TLN2: variants seen among roughly 807,000 people sequenced by gnomAD.
TLN2 encodes talin 2.
TLN2 carries 118 observed loss-of-function variants against 294.7 expected under a neutral mutation model. The observed-to-expected ratio is 0.40, with a 90% CI of 0.34 to 0.47. TLN2 has a LOEUF of 0.47. Ranked by LOEUF, TLN2 falls within the 20% of genes least tolerant of loss-of-function variation. TLN2 has a pLI of 0.84. For synonymous variants in TLN2, 1,431 were observed against 1,304.5 expected (o/e 1.10, Z -2.09); for missense variants, 3,083 against 3,282.2 (o/e 0.94, Z 1.48).
chr15:62,453,255 C>A (rs2036259820), intron 1 of TLN2, among the ~76,000 whole-genome samples: 1 of 101,164 alleles, frequency 9.9e-6, no homozygotes, highest in Non-Finnish European at 2.0e-5. Flanking sequence ...GCATTGTCAA[C>A]CTATTTTTTT....
At chr15:62,664,024 G>T (rs8031914) in intron 9 of TLN2, among the ~76,000 whole-genome samples, 129,370 of 151,936 alleles carry the variant, frequency 0.85, 58,828 homozygotes, top group Non-Finnish European at 1. Context: ...CAATTTTTTA[G>T]AAAGGTAAAG....
chr15:62,500,486 A>C (rs1030237320), intron 1 of TLN2, among the ~76,000 whole-genome samples: 2 of 152,228 alleles, frequency 1.3e-5, no homozygotes, highest in Non-Finnish European at 2.9e-5. Context: ...ACTGCAAAAC[A>C]AGAAGACACC....
intron 43 of TLN2, among the ~76,000 whole-genome samples, chr15:62,777,837 A>C (rs2063828321): frequency 6.6e-6 from 1 of 152,214 alleles, no homozygotes; most frequent in African/African-American, 2.4e-5. Flanking sequence ...GGGTGACATG[A>C]CTGGAGACAG....
At chr15:62,805,089 T>C (rs1178251798) in intron 50 of TLN2, among the ~76,000 whole-genome samples, 1 of 152,176 alleles carries the variant, frequency 6.6e-6, no homozygotes, top group East Asian at 1.9e-4. Flanking sequence ...TGCAGTTATA[T>C]TTATAAGACA....
Position 62,598,035 on chromosome 15 carries a change from G to A in TLN2, c.-162+8273G>A, listed in dbSNP as rs537005649. ...TATTGGAGAATCACCCCAGGCTGTC[G>A]TGTGTTGGATGGGGCAGTGGCCTGA... On this transcript the variant is annotated intron_variant, in intron 2 of 58. Transcript: ENST00000636159. Among the ~76,000 whole-genome samples the A allele has an allele frequency of 4.6e-4, 70 of 152,260 alleles. 1 individual carries two copies. The South Asian group carries it at 0.011, about 25-fold the overall frequency.
chr15:62,693,884 A>C (rs566570986), intron 13 of TLN2, among the ~76,000 whole-genome samples: 1 of 151,492 alleles, frequency 6.6e-6, no homozygotes, highest in South Asian at 2.1e-4. Context: ...AGTAAACTTC[A>C]ACACTTTGAC....
intron 32 of TLN2, among the ~76,000 whole-genome samples, chr15:62,742,194 T>C (rs1393690351): frequency 6.6e-6 from 1 of 152,178 alleles, no homozygotes; most frequent in Non-Finnish European, 1.5e-5. Flanking sequence ...TGGAAAATTA[T>C]CTTCCCATCT....
intron 1 of TLN2, among the ~76,000 whole-genome samples, chr15:62,448,905 G>C (rs1267292827): frequency 6.6e-6 from 1 of 152,130 alleles, no homozygotes; most frequent in East Asian, 1.9e-4. Flanking sequence ...TGTCTAGGGG[G>C]CTTCTTTTTT....
intron 45 of TLN2, among the ~76,000 whole-genome samples, chr15:62,787,814 C>G (rs1200363306): frequency 6.7e-6 from 1 of 149,880 alleles, no homozygotes; most frequent in Non-Finnish European, 1.5e-5. Flanking sequence ...GCCTCAGCCT[C>G]CTGAGTAGCT....
At chr15:62,459,299 C>CTTTTTT (rs35344244) in intron 1 of TLN2, among the ~76,000 whole-genome samples, 4 of 130,550 alleles carry the variant, frequency 3.1e-5, no homozygotes, top group Non-Finnish European at 6.4e-5. Context: ...CACGCTCGGC[C>CTTTTTT]TTTTTTTTTT....
intron 3 of TLN2, among the ~76,000 whole-genome samples, chr15:62,632,770 A>G (rs2050030792): frequency 6.6e-6 from 1 of 152,158 alleles, no homozygotes; most frequent in Non-Finnish European, 1.5e-5. Context: ...TGTCCTAGAT[A>G]TTTATGTCTG....
chr15:62,711,163 TA>T (rs2059409370), intron 21 of TLN2, among the ~76,000 whole-genome samples: 1 of 152,228 alleles, frequency 6.6e-6, no homozygotes, highest in Non-Finnish European at 1.5e-5. Flanking sequence ...TGACCTTTGC[TA>T]GAGGAAGATT....
At chr15:62,604,872 C>T (rs2047303739) in intron 2 of TLN2, among the ~76,000 whole-genome samples, 5 of 151,932 alleles carry the variant, frequency 3.3e-5, no homozygotes, top group African/African-American at 9.7e-5. Flanking sequence ...AAAATTTTCT[C>T]ATTATTTGCC....
intron 1 of TLN2, among the ~76,000 whole-genome samples, chr15:62,421,057 A>G (rs1197275917): frequency 6.6e-6 from 1 of 152,218 alleles, no homozygotes; most frequent in Non-Finnish European, 1.5e-5. Context: ...AAGGTATATA[A>G]CCTCTGGAAA....
intron 1 of TLN2, among the ~76,000 whole-genome samples, chr15:62,508,555 G>A (rs1282123571): frequency 6.6e-6 from 1 of 152,158 alleles, no homozygotes; most frequent in Non-Finnish European, 1.5e-5. Context: ...TTTTCATTTC[G>A]AAAAGATCTG....
At chr15:62,746,018 T>C (rs2061589164) in intron 32 of TLN2, among the ~76,000 whole-genome samples, 1 of 151,900 alleles carries the variant, frequency 6.6e-6, no homozygotes, top group Non-Finnish European at 1.5e-5. Flanking sequence ...AGTTTTTATT[T>C]GAAAAAAATT....
chr15:62,593,173 T>C (rs2046219641), intron 2 of TLN2, among the ~76,000 whole-genome samples: 1 of 152,192 alleles, frequency 6.6e-6, no homozygotes, highest in African/African-American at 2.4e-5. Flanking sequence ...TGTTCCATGC[T>C]TCCTTCATTA....
chr15:62,719,320 T>A (rs76134017), intron 24 of TLN2, among the ~76,000 whole-genome samples: 1 of 152,340 alleles, frequency 6.6e-6, no homozygotes, highest in Non-Finnish European at 1.5e-5. Flanking sequence ...AATGTGTGCC[T>A]GCAAAGTAAG....
chr15:62,782,482 A>T (rs2064262637), intron 44 of TLN2, among the ~76,000 whole-genome samples: 1 of 152,228 alleles, frequency 6.6e-6, no homozygotes, highest in Admixed American at 6.5e-5. Flanking sequence ...ATGTCTCCAG[A>T]GCCAGGTCCT....
Sources: gnomAD v4.1 joint callset for allele counts (sites outside exome capture counted in the v4.1 genomes callset) on GRCh38, gnomAD v4.1.1 for gene constraint, MANE v1.5 for transcripts, NCBI Gene and HGNC (gene_info 2026-07-23, HGNC 2026-07-21) for gene names.